MBP: variants seen among roughly 807,000 people sequenced by gnomAD.
The protein encoded by MBP is Golli-MBP.
In MBP, 16 loss-of-function variants were observed where a neutral mutation model predicts 35.8. That is an observed-to-expected ratio of 0.45 (90% CI 0.30 to 0.68). The LOEUF is 0.68. MBP is among the 30% of genes least tolerant of loss of function. The pLI, the probability that MBP is intolerant of heterozygous loss-of-function variation, is 0.08. For synonymous variants in MBP, 143 were observed against 159.6 expected, an observed-to-expected ratio of 0.90 and a Z score of 0.78; for missense variants, 380 against 404.7, an observed-to-expected ratio of 0.94 and a Z score of 0.52.
chr18:76,992,539 G>A (rs1208736299), intron 4 of MBP, among the ~76,000 whole-genome samples: 1 of 152,194 alleles, frequency 6.6e-6, no homozygotes. Flanking sequence ...CCTGCTGCCT[G>A]TGAGGCTCCC....
rs1213012953 is a variant in MBP, at chr18:77,059,519, CTTAA to C, written c.139+6775_139+6778del. The stretch of plus-strand genomic sequence containing the variant: ...TTAATTCTAATGATAATAATTTAAC[CTTAA>C]TTACATTATTAAAATTAAAATTAAT... On this transcript the variant is annotated intron_variant, in intron 3 of 8. Transcript: ENST00000355994. 5.3e-5 allele frequency among the ~76,000 whole-genome samples: 8 copies of C among 150,318 alleles called. 1 individual carries two copies. Among genetic ancestry groups the C allele is most frequent in the Admixed American group, 4.0e-4 (6 of 15,136 alleles).
chr18:77,029,030 A>C lies in MBP; in HGVS notation c.140-11762T>G, dbSNP rs1475805822. 1.9e-5 allele frequency among the ~76,000 whole-genome samples: 2 copies of C among 107,588 alleles called. 1 individual carries two copies. The highest frequency in any genetic ancestry group is 4.7e-5 in the Non-Finnish European group (2 of 42,206). The allele number at this position is 107,588 out of a possible 152,430, so 70.6% of individuals were successfully genotyped here. On this transcript the variant is annotated intron_variant, in intron 3 of 8. Coordinates refer to ENST00000355994, the MANE Select transcript of MBP (RefSeq NM_001025101.2). ...GGGTGGCGGCCGGGCAGAGGCTGCA[A>C]TCTCGGCACTTTGGGAGGCCAAGGC...
chr18:77,129,731 TC>T (rs1393462333), intron 1 of MBP, among the ~76,000 whole-genome samples: 3 of 152,116 alleles, frequency 2.0e-5, no homozygotes, highest in Admixed American at 6.6e-5. Context: ...TTTAAAATTA[TC>T]CCAAGAGTAA....
chr18:76,986,599 T>C, intron 7 of MBP: 1 of 985,604 alleles, frequency 1.0e-6, no homozygotes, highest in Non-Finnish European at 1.2e-6. Flanking sequence ...AGGGACGGGA[T>C]GTGTGGCAAG....
chr18:77,033,008 C>T (rs1835428918), intron 3 of MBP, among the ~76,000 whole-genome samples: 1 of 152,056 alleles, frequency 6.6e-6, no homozygotes, highest in South Asian at 2.1e-4. Flanking sequence ...CACTCTGTGA[C>T]CCAGGCTGGA....
intron 3 of MBP, among the ~76,000 whole-genome samples, chr18:77,026,926 C>G (rs553559442): frequency 1.2e-4 from 18 of 152,196 alleles, no homozygotes; most frequent in Admixed American, 1.3e-4. Context: ...CCAAGCAGAT[C>G]TTAAATGAGA....
chr18:77,111,090 G>C (rs11660113), intron 1 of MBP, among the ~76,000 whole-genome samples: 2 of 152,168 alleles, frequency 1.3e-5, no homozygotes, highest in Non-Finnish European at 2.9e-5. Context: ...GGGGTTCTCA[G>C]CGCCTGTTCA....
rs1006134999 is a variant in MBP, at chr18:77,102,956, A to G, written c.51+2255T>C. Among the ~76,000 whole-genome samples, 3 of 152,102 alleles carry G rather than the reference A, an allele frequency of 2.0e-5. No homozygotes were observed. The highest frequency in any genetic ancestry group is 7.2e-5 in the African/African-American group (3 of 41,454). The stretch of plus-strand genomic sequence containing the variant: ...AATTATAATGCTGACATTATCAGTA[A>G]TACAGTTTAAGTATGGGCTGAACAA... On this transcript the variant is annotated intron_variant, in intron 2 of 8. Transcript: ENST00000355994. This position sits in a 1 kb window ranked among gnomAD's most constrained non-coding sequence, Gnocchi z 4.4.
intron 2 of MBP, among the ~76,000 whole-genome samples, chr18:77,094,009 C>T (rs1195907065): frequency 6.7e-6 from 1 of 150,272 alleles, no homozygotes; most frequent in East Asian, 2.0e-4. Context: ...CGGAGTCTCG[C>T]TCTGTCGCCC....
Position 77,025,705 on chromosome 18 carries a change from C to CT in MBP, c.140-8438dup, listed in dbSNP as rs540022394. Among the ~76,000 whole-genome samples the CT allele has an allele frequency of 8.6e-3, 941 of 108,790 alleles. 21 individuals carry two copies. Among genetic ancestry groups the CT allele is most frequent in the South Asian group, 0.021 (66 of 3,150 alleles). 71.4% of individuals were successfully genotyped at this position (108,790 alleles called of 152,430 possible). A position where few individuals can be genotyped will look rare whatever the true frequency, so the allele number is the denominator to read the frequency against. On this transcript the variant is annotated intron_variant, in intron 3 of 8. Coordinates refer to ENST00000355994, the MANE Select transcript of MBP (RefSeq NM_001025101.2). ...GCGGACACTGTCCTCTATTGAAATACTTTTTTTTTTTTTTTTTTTTACCTA... is the reference window on the plus strand; with the variant it reads ...GCGGACACTGTCCTCTATTGAAATACTTTTTTTTTTTTTTTTTTTTTACCTA...
At chr18:77,088,667 T>TAC (rs1555727398) in intron 2 of MBP, among the ~76,000 whole-genome samples, 1 of 5,420 alleles carries the variant, frequency 1.8e-4, no homozygotes. Context: ...TAAAACAAAC[T>TAC]GGTTTTTATA....
Position 76,988,924 on chromosome 18 carries a change from C to G in MBP, c.682-12G>C, listed in dbSNP as rs1969728445. On this transcript the variant is annotated splice_polypyrimidine_tract_variant and intron_variant, in intron 5 of 8. Transcript: ENST00000355994. The surrounding 1 kb of genome is among the most constrained non-coding windows in gnomAD (Gnocchi z 5.2). ...GTGCGAGGCGTCACCTGGAAAGACACAGAGAACCGTGGGCTGCACTGGGAG... is the reference window on the plus strand; with the variant it reads ...GTGCGAGGCGTCACCTGGAAAGACAGAGAGAACCGTGGGCTGCACTGGGAG... 6.2e-7 allele frequency: 1 copy of G among 1,613,924 alleles called. No homozygotes were observed. The highest frequency in any genetic ancestry group is 1.3e-5 in the African/African-American group (1 of 74,922).
intron 4 of MBP, among the ~76,000 whole-genome samples, chr18:77,002,629 A>G (rs523243): frequency 0.81 from 123,616 of 152,170 alleles, 50,372 homozygotes; most frequent in Middle Eastern, 0.84. Flanking sequence ...GTCACCACTC[A>G]TTTTACAGAT....
rs900929711 is a variant in MBP at position 76,989,682 on chromosome 18, A to G, written c.681+274T>C. 2.5e-6 allele frequency: 1 copy of G among 402,140 alleles called. No individual in the cohort carries two copies. The highest frequency in any genetic ancestry group is 4.6e-6 in the Non-Finnish European group (1 of 218,820). The allele number at this position is 402,140 out of a possible 1,614,324, so 24.9% of individuals were successfully genotyped here. On this transcript the variant is annotated intron_variant, in intron 5 of 8. Transcript: ENST00000355994. The surrounding 1 kb of genome is among the most constrained non-coding windows in gnomAD (Gnocchi z 4.0). ...CATAGGTTGCAAAGCCTGTGTTTTT[A>G]GGCTAAGCGTTACATGGGAGCCTAA...
In MBP at chr18:77,131,091, A is replaced by C. The variant is rs899897662; in HGVS notation, c.-26+1489T>G. Among the ~76,000 whole-genome samples, 1 of 54,506 alleles carries C rather than the reference A, an allele frequency of 1.8e-5. No homozygotes were observed. The highest frequency in any genetic ancestry group is 6.8e-5 in the Non-Finnish European group (1 of 14,628). 35.8% of individuals were successfully genotyped at this position (54,506 alleles called of 152,430 possible). A position where few individuals can be genotyped will look rare whatever the true frequency, so the allele number is the denominator to read the frequency against. ...CACACGCGCGCACGCACGCGCACAC[A>C]CACACACACACACACACACACACAC... On this transcript the variant is annotated intron_variant, in intron 1 of 8. Transcript: ENST00000355994. The surrounding 1 kb of genome is among the most constrained non-coding windows in gnomAD (Gnocchi z 5.5).
intron 3 of MBP, among the ~76,000 whole-genome samples, chr18:77,040,498 G>A (rs1972948876): frequency 6.6e-6 from 1 of 152,192 alleles, no homozygotes; most frequent in Admixed American, 6.5e-5. Flanking sequence ...AAAGAACAAA[G>A]CTGGAGGCAT....
intron 7 of MBP, chr18:76,987,997 T>C: frequency 7.8e-7 from 1 of 1,287,828 alleles, no homozygotes; most frequent in East Asian, 3.7e-5. Flanking sequence ...CAAAAATCTT[T>C]GGATTAATGA....
chr18:77,063,542 C>T (rs1974071502), intron 3 of MBP, among the ~76,000 whole-genome samples: 1 of 152,206 alleles, frequency 6.6e-6, no homozygotes, highest in African/African-American at 2.4e-5. Context: ...GGCAGAAAGG[C>T]TTGGAATGTG....
At chr18:77,060,892 C>A (rs1305590602) in intron 3 of MBP, among the ~76,000 whole-genome samples, 3 of 152,254 alleles carry the variant, frequency 2.0e-5, no homozygotes, top group African/African-American at 4.8e-5. Context: ...AATGGTCACA[C>A]CTGCCTGTTT....
Sources: gnomAD v4.1 joint callset for allele counts (sites outside exome capture counted in the v4.1 genomes callset) on GRCh38, gnomAD v4.1.1 for gene constraint, Gnocchi (gnomAD v3.1) non-coding constraint, MANE v1.5 for transcripts, NCBI Gene and HGNC (gene_info 2026-07-23, HGNC 2026-07-21) for gene names.